The following ZCCHC7 variants were observed in gnomAD, a reference collection of about 807,000 sequenced individuals.
ZCCHC7 encodes the protein zinc finger CCHC-type containing 7.
ZCCHC7 carries 35 observed loss-of-function variants against 52.0 expected under a neutral mutation model. The observed-to-expected ratio is 0.67, with a 90% CI of 0.51 to 0.89. ZCCHC7 has a LOEUF of 0.89. Among genes scored for constraint, ZCCHC7 ranks in the 40% least tolerant of loss-of-function variants. The pLI, the probability that ZCCHC7 is intolerant of heterozygous loss-of-function variation, is 0.00. For synonymous variants in ZCCHC7, 217 were observed against 221.5 expected, an observed-to-expected ratio of 0.98 and a Z score of 0.18; for missense variants, 574 against 649.1, an observed-to-expected ratio of 0.88 and a Z score of 1.26.
At chr9:37,162,599 C>T (rs1336248190) in intron 2 of ZCCHC7, among the ~76,000 whole-genome samples, 5 of 152,178 alleles carry the variant, frequency 3.3e-5, no homozygotes, top group African/African-American at 1.2e-4. Flanking sequence ...TTGTGGTTAT[C>T]CCACAGTTTA....
At chr9:37,203,281 T>G (rs1477657655) in intron 2 of ZCCHC7, among the ~76,000 whole-genome samples, 2 of 152,218 alleles carry the variant, frequency 1.3e-5, no homozygotes, top group African/African-American at 4.8e-5. Flanking sequence ...AACAGTTTCT[T>G]TTGAGAGAAA....
At chr9:37,293,593 A>C (rs1828640170) in intron 2 of ZCCHC7, among the ~76,000 whole-genome samples, 1 of 152,178 alleles carries the variant, frequency 6.6e-6, no homozygotes, top group African/African-American at 2.4e-5. Flanking sequence ...GGGAACAGGC[A>C]TCCATAGTCA....
chr9:37,151,839 G>A (rs576717493), intron 2 of ZCCHC7, among the ~76,000 whole-genome samples: 28 of 152,214 alleles, frequency 1.8e-4, no homozygotes, highest in Non-Finnish European at 3.5e-4. Context: ...TCGACTCTAA[G>A]ATGATGTTGA....
intron 6 of ZCCHC7, among the ~76,000 whole-genome samples, chr9:37,334,188 A>G (rs1411938505): frequency 6.6e-6 from 1 of 151,944 alleles, no homozygotes; most frequent in Non-Finnish European, 1.5e-5. Context: ...CAGGTATTTC[A>G]TGCCATTTAT....
At chr9:37,333,261 A>C (rs1227440817) in intron 6 of ZCCHC7, among the ~76,000 whole-genome samples, 2 of 151,692 alleles carry the variant, frequency 1.3e-5, no homozygotes, top group Non-Finnish European at 3.0e-5. Flanking sequence ...TTTGGCATAG[A>C]AGCAGCTGTG....
At chr9:37,240,663 T>C (rs1825834986) in intron 2 of ZCCHC7, among the ~76,000 whole-genome samples, 1 of 151,986 alleles carries the variant, frequency 6.6e-6, no homozygotes. Flanking sequence ...AGGGAAAATC[T>C]GACCGCATTT....
chr9:37,229,788 C>T (rs889203289), intron 2 of ZCCHC7, among the ~76,000 whole-genome samples: 1 of 152,110 alleles, frequency 6.6e-6, no homozygotes, highest in Non-Finnish European at 1.5e-5. Context: ...ATGCCAGTTA[C>T]AACATTTGTA....
chr9:37,272,491 T>TAAAAAAAAAAAAAAA (rs551495038), intron 2 of ZCCHC7, among the ~76,000 whole-genome samples: 1 of 97,826 alleles, frequency 1.0e-5, no homozygotes, highest in Non-Finnish European at 2.1e-5. Flanking sequence ...AGCTGTGTGG[T>TAAAAAAAAAAAAAAA]AAAAAAAAAA....
At chr9:37,203,467 C>A (rs956786908) in intron 2 of ZCCHC7, among the ~76,000 whole-genome samples, 2 of 152,128 alleles carry the variant, frequency 1.3e-5, no homozygotes, top group Non-Finnish European at 2.9e-5. Context: ...TCTCTCTCCC[C>A]TTGCCCCTGC....
chr9:37,295,661 G>A (rs10973291), intron 2 of ZCCHC7, among the ~76,000 whole-genome samples: 21,734 of 152,104 alleles, frequency 0.14, 1,762 homozygotes, highest in Non-Finnish European at 0.17. Flanking sequence ...AGACTATGGT[G>A]CAAGTCATTG....
At chr9:37,350,070 G>A (rs1378384829) in intron 7 of ZCCHC7, among the ~76,000 whole-genome samples, 1 of 151,146 alleles carries the variant, frequency 6.6e-6, no homozygotes, top group Non-Finnish European at 1.5e-5. Context: ...TTACAGGCGT[G>A]AGCTACCACA....
intron 2 of ZCCHC7, among the ~76,000 whole-genome samples, chr9:37,231,395 G>C (rs139230280): frequency 6.6e-6 from 1 of 152,036 alleles, no homozygotes. Context: ...ATCAGCTGGC[G>C]TATTACTTAT....
At chr9:37,313,881 A>C (rs1415672012) in intron 5 of ZCCHC7, among the ~76,000 whole-genome samples, 1 of 152,214 alleles carries the variant, frequency 6.6e-6, no homozygotes, top group Non-Finnish European at 1.5e-5. Context: ...AAATTACCCC[A>C]GTGTCAGGTA....
chr9:37,263,377 A>G (rs1361604102), intron 2 of ZCCHC7, among the ~76,000 whole-genome samples: 1 of 151,964 alleles, frequency 6.6e-6, no homozygotes, highest in Non-Finnish European at 1.5e-5. Flanking sequence ...AATGGAAGGA[A>G]TGAAAAAAAA....
chr9:37,349,879 C>T (rs965945517), intron 7 of ZCCHC7, among the ~76,000 whole-genome samples: 4 of 152,054 alleles, frequency 2.6e-5, no homozygotes, highest in Non-Finnish European at 5.9e-5. Context: ...CCTCCTTCTC[C>T]CGGGTTCAAG....
At chr9:37,227,694 G>T (rs536508906) in intron 2 of ZCCHC7, among the ~76,000 whole-genome samples, 15 of 152,126 alleles carry the variant, frequency 9.9e-5, no homozygotes, top group Admixed American at 9.2e-4. Flanking sequence ...CTGAATGTTC[G>T]TCACCTAGTA....
At chr9:37,180,940 A>T (rs1384405020) in intron 2 of ZCCHC7, among the ~76,000 whole-genome samples, 1 of 152,104 alleles carries the variant, frequency 6.6e-6, no homozygotes, top group African/African-American at 2.4e-5. Flanking sequence ...ATATTTGGAG[A>T]TTGTTTTCCA....
chr9:37,293,598 T>C (rs1828640607), intron 2 of ZCCHC7, among the ~76,000 whole-genome samples: 1 of 152,326 alleles, frequency 6.6e-6, no homozygotes, highest in Non-Finnish European at 1.5e-5. Flanking sequence ...CAGGCATCCA[T>C]AGTCAGTATA....
intron 2 of ZCCHC7, among the ~76,000 whole-genome samples, chr9:37,229,737 A>C (rs1252274645): frequency 1.3e-5 from 2 of 152,208 alleles, no homozygotes; most frequent in African/African-American, 4.8e-5. Context: ...CTTAGGCTAC[A>C]CTAAATTTAT....
Sources: gnomAD v4.1 joint callset for allele counts (sites outside exome capture counted in the v4.1 genomes callset) on GRCh38, gnomAD v4.1.1 for gene constraint, MANE v1.5 for transcripts, NCBI Gene and HGNC (gene_info 2026-07-23, HGNC 2026-07-21) for gene names.